AMBRA1: variants seen among roughly 807,000 people sequenced by gnomAD.
AMBRA1 encodes activating molecule in BECN1-regulated autophagy protein 1.
Under a neutral mutation model 125.4 loss-of-function variants are expected in AMBRA1, and 47 were observed. The ratio of observed to expected loss-of-function variants is 0.37; its 90% CI spans 0.30 to 0.48. AMBRA1 has a LOEUF of 0.48. Among genes scored for constraint, AMBRA1 ranks in the 20% least tolerant of loss-of-function variants. The pLI, the probability that AMBRA1 is intolerant of heterozygous loss-of-function variation, is 0.99. For missense variants in AMBRA1, 1,331 were observed against 1,693.4 expected, an observed-to-expected ratio of 0.79 and a Z score of 3.76; for synonymous variants, 626 against 655.5, an observed-to-expected ratio of 0.95 and a Z score of 0.69.
At chr11:46,501,261 T>TTC (rs1207083398) in intron 9 of AMBRA1, among the ~76,000 whole-genome samples, 1 of 152,252 alleles carries the variant, frequency 6.6e-6, no homozygotes, top group Non-Finnish European at 1.5e-5. Context: ...TGTGTGGGTT[T>TTC]TCTCTGGGCA....
At chr11:46,461,442 G>A (rs1949084813) in intron 11 of AMBRA1, among the ~76,000 whole-genome samples, 1 of 152,170 alleles carries the variant, frequency 6.6e-6, no homozygotes, top group Non-Finnish European at 1.5e-5. Context: ...TCTCACAATA[G>A]GAAGGAAGGA....
At chr11:46,494,990 C>T (rs747619883) in intron 9 of AMBRA1, 2 of 152,080 alleles carry the variant, frequency 1.3e-5, no homozygotes, top group Admixed American at 6.5e-5. Context: ...GAGAAGCGGA[C>T]GAAAGACCAG....
chr11:46,554,804 C>G (rs1192382906), intron 1 of AMBRA1, among the ~76,000 whole-genome samples: 1 of 152,124 alleles, frequency 6.6e-6, no homozygotes, highest in Non-Finnish European at 1.5e-5. Flanking sequence ...CAATCTGTCC[C>G]TTAAAGTAAA....
At chr11:46,457,655 C>A (rs767984775) in intron 11 of AMBRA1, among the ~76,000 whole-genome samples, 8 of 152,168 alleles carry the variant, frequency 5.3e-5, no homozygotes, top group African/African-American at 9.7e-5. Flanking sequence ...AATCCCAGCA[C>A]TTTGGAAGGC....
chr11:46,551,460 T>G (rs1275428452), intron 1 of AMBRA1, among the ~76,000 whole-genome samples: 1 of 152,188 alleles, frequency 6.6e-6, no homozygotes, highest in Admixed American at 6.5e-5. Flanking sequence ...TTTAAAATTA[T>G]TTTAAAGATG....
At chr11:46,588,785 A>T (rs1221154959) in intron 1 of AMBRA1, among the ~76,000 whole-genome samples, 2 of 151,196 alleles carry the variant, frequency 1.3e-5, no homozygotes, top group African/African-American at 2.5e-5. Flanking sequence ...CAAAAAAAAA[A>T]AAAAAAAAGT....
chr11:46,553,506 G>A (rs977430181), intron 1 of AMBRA1, among the ~76,000 whole-genome samples: 8 of 151,934 alleles, frequency 5.3e-5, no homozygotes, highest in Non-Finnish European at 1.0e-4. Flanking sequence ...CAGCACTTTG[G>A]GAGGCCAAGG....
At chr11:46,508,435 T>C in intron 8 of AMBRA1, 65 bp from the exon 9 acceptor site, 2 of 1,504,756 alleles carry the variant, frequency 1.3e-6, no homozygotes, top group Non-Finnish European at 1.8e-6. Flanking sequence ...TGAAAGGCAG[T>C]TAATCCAGCT....
chr11:46,544,531 A>T (rs1952906700), intron 5 of AMBRA1, among the ~76,000 whole-genome samples: 1 of 152,236 alleles, frequency 6.6e-6, no homozygotes, highest in South Asian at 2.1e-4. Flanking sequence ...AACACAATGC[A>T]TCAACTTTAA....
chr11:46,479,343 T>G (rs1321283026), intron 11 of AMBRA1, among the ~76,000 whole-genome samples: 1 of 151,896 alleles, frequency 6.6e-6, no homozygotes, highest in African/African-American at 2.4e-5. Context: ...CCTTAGAGAG[T>G]CTTCTTCCTG....
chr11:46,459,024 G>A (rs1162616015), intron 11 of AMBRA1, among the ~76,000 whole-genome samples: 1 of 152,176 alleles, frequency 6.6e-6, no homozygotes, highest in Admixed American at 6.5e-5. Context: ...AAAAGAGTTT[G>A]TCTTTCATTA....
intron 11 of AMBRA1, among the ~76,000 whole-genome samples, chr11:46,459,899 G>A (rs186050363): frequency 4.6e-5 from 7 of 152,172 alleles, no homozygotes; most frequent in Non-Finnish European, 7.4e-5. Context: ...AAAACTCCTT[G>A]GTCTTGGATT....
chr11:46,521,048 A>G (rs1420633357), intron 7 of AMBRA1, among the ~76,000 whole-genome samples: 2 of 152,220 alleles, frequency 1.3e-5, no homozygotes, highest in East Asian at 3.8e-4. Context: ...AACATGTAAT[A>G]GGAAACCAAC....
At chr11:46,521,390 T>G (rs142195817) in intron 7 of AMBRA1, among the ~76,000 whole-genome samples, 3 of 152,220 alleles carry the variant, frequency 2.0e-5, no homozygotes, top group Non-Finnish European at 4.4e-5. Context: ...GGACTGTAAA[T>G]TGCCAAAAGA....
rs371496041 is a variant in AMBRA1 at position 46,542,614 on chromosome 11, T to C, written c.1403A>G (p.Glu468Gly). 1.5e-5 allele frequency: 25 copies of C among 1,614,034 alleles called. No homozygotes were observed. Among genetic ancestry groups the C allele is most frequent in the Non-Finnish European group, 2.1e-5 (25 of 1,180,018 alleles). ...SQASVYTSAT[E>G]GRGFPASGLA... ...CCCTGATGCCGGAAAACCCCTCCCTTCTGTGGCTGAAGTGTACACAGATGC... is the reference window on the plus strand; with the variant it reads ...CCCTGATGCCGGAAAACCCCTCCCTCCTGTGGCTGAAGTGTACACAGATGC... Residue 468 changes from glutamate (E) to glycine (G), a missense_variant, in exon 7 of 18, where the codon GAA (glutamate) becomes GGA (glycine). Glu to Gly is a moderately conservative substitution (Grantham distance 98). Coordinates refer to ENST00000683756, the MANE Select transcript of AMBRA1 (RefSeq NM_001387011.1). This position sits in a 1 kb window ranked among gnomAD's most constrained non-coding sequence, Gnocchi z 5.9.
intron 9 of AMBRA1, 58 bp downstream of exon 9, chr11:46,508,133 T>C (rs1269182408): frequency 2.5e-6 from 4 of 1,586,288 alleles, no homozygotes; most frequent in Non-Finnish European, 3.5e-6. Flanking sequence ...AGTGGCCAAC[T>C]TGGAAGCACT....
intron 1 of AMBRA1, among the ~76,000 whole-genome samples, chr11:46,588,104 G>A (rs2044466828): frequency 6.6e-6 from 1 of 152,180 alleles, no homozygotes; most frequent in Non-Finnish European, 1.5e-5. Context: ...AGGCCAAGTT[G>A]GGCAGATGAC....
At chr11:46,428,851 C>T in intron 14 of AMBRA1, 1 of 1,611,652 alleles carries the variant, frequency 6.2e-7, no homozygotes, top group Non-Finnish European at 8.5e-7. Context: ...GCCTGCCAGT[C>T]TCTGGACGGC....
Position 46,508,213 on chromosome 11 carries a change from C to G in AMBRA1, c.2317G>C (p.Asp773His). Residue 773 changes from aspartate to histidine, a missense_variant, in exon 9 of 18, where the codon GAC (aspartate) becomes CAC (histidine). By Grantham distance (81) the Asp-to-His change is moderately conservative (BLOSUM62 -1). Coordinates refer to ENST00000683756, the MANE Select transcript of AMBRA1 (RefSeq NM_001387011.1). ...TACTCAAAGTCCTCAAATTCCAAGT[C>G]GGTTCCCTCTACTGATGGACCCTGG... ...DNQGPSVEGT[D>H]LEFEDFEDNG... 6.2e-7 allele frequency: 1 copy of G among 1,614,120 alleles called. No individual in the cohort carries two copies. Among genetic ancestry groups the G allele is most frequent in the Non-Finnish European group, 8.5e-7 (1 of 1,180,000 alleles).
Sources: gnomAD v4.1 joint callset for allele counts (sites outside exome capture counted in the v4.1 genomes callset) on GRCh38, gnomAD v4.1.1 for gene constraint, Gnocchi (gnomAD v3.1) non-coding constraint, MANE v1.5 for transcripts, NCBI Gene and HGNC (gene_info 2026-07-23, HGNC 2026-07-21) for gene names.